FGFR2: variants seen among roughly 807,000 people sequenced by gnomAD.
FGFR2 encodes fibroblast growth factor receptor 2, also known as BEK fibroblast growth factor receptor.
FGFR2 carries 19 observed loss-of-function variants against 95.9 expected under a neutral mutation model. The observed-to-expected ratio is 0.20, with a 90% CI of 0.14 to 0.29. The LOEUF (loss-of-function observed/expected upper bound fraction) is 0.29, where lower values mean the gene tolerates loss of function less well. Ranked by LOEUF, FGFR2 falls within the 10% of genes least tolerant of loss-of-function variation. The pLI is 1.00. For synonymous variants in FGFR2, 392 were observed against 393.3 expected, an observed-to-expected ratio of 1.00 and a Z score of 0.04; for missense variants, 707 against 1,056.9, an observed-to-expected ratio of 0.67 and a Z score of 4.59.
chr10:121,482,374 C>G (rs1022819143), intron 17 of FGFR2, among the ~76,000 whole-genome samples: 4 of 152,200 alleles, frequency 2.6e-5, no homozygotes, highest in African/African-American at 9.6e-5. Context: ...AGGCCACAGT[C>G]AGACGCATAA....
chr10:121,524,146 A>ACACACACACCCCCC (rs142755962), intron 6 of FGFR2, among the ~76,000 whole-genome samples: 142 of 136,870 alleles, frequency 1.0e-3, no homozygotes, highest in Non-Finnish European at 1.7e-3. Flanking sequence ...ACACACACAC[A>ACACACACACCCCCC]CCCCAAGTTT....
At position 121,564,557 on chromosome 10, in the gene FGFR2, A is replaced by C. The variant is rs373155033; in HGVS notation, c.399T>G (p.Asp133Glu). ...CTTCCGCACCATCGGTGTCATCCTC[A>C]TCATCTCCGGATGAGATGGCATCTG... ...NVTDAISSGD[D>E]EDDTDGAEDF... The change falls in exon 4 of 18, where the codon GAT becomes GAG. Residue 133 changes from aspartate to glutamate, a missense_variant. Asp to Glu is a conservative substitution (Grantham distance 45). Around this residue, in one of 7 missense-constraint regions of FGFR2, gnomAD observed 178 missense variants for 194.1 expected, o/e 0.92. Coordinates refer to ENST00000358487, the MANE Select transcript of FGFR2 (RefSeq NM_000141.5). 3 of 1,613,962 alleles carry C rather than the reference A, an allele frequency of 1.9e-6. No individual in the cohort carries two copies. Among genetic ancestry groups the C allele is most frequent in the Non-Finnish European group, 2.5e-6 (3 of 1,179,938 alleles).
chr10:121,492,131 A>G, intron 13 of FGFR2, among the ~76,000 whole-genome samples: 1 of 152,032 alleles, frequency 6.6e-6, no homozygotes, highest in Non-Finnish European at 1.5e-5. Flanking sequence ...AGCCAAGATC[A>G]CGCCACTGCA....
chr10:121,483,773 T>G lies in FGFR2; in HGVS notation c.2226A>C (p.Ala742=). Residue 742 remains alanine, a synonymous_variant, in exon 17 of 18, where the codon GCA becomes GCC. Coordinates refer to ENST00000358487, the MANE Select transcript of FGFR2 (RefSeq NM_000141.5). ...LYMMMRDCWH[A]VPSQRPTFKQ... ...TGAACGTTGGTCTCTGGGAGGGCAC[T>G]GCATGCCAACAGTCCCTCATCATCA... is the stretch of plus-strand genomic sequence containing the variant. The G allele has an allele frequency of 6.2e-7, 1 of 1,613,926 alleles. No homozygotes were observed. Among genetic ancestry groups the G allele is most frequent in the Non-Finnish European group, 8.5e-7 (1 of 1,179,892 alleles).
chr10:121,483,123 C>T (rs1240414329), intron 17 of FGFR2, among the ~76,000 whole-genome samples: 1 of 152,088 alleles, frequency 6.6e-6, no homozygotes, highest in African/African-American at 2.4e-5. Flanking sequence ...ACAAAAGGTA[C>T]ATGTTTTTAT....
Position 121,588,380 on chromosome 10 carries a change from TACCCCCAA to T in FGFR2, c.109+5321_109+5328del, listed in dbSNP as rs551311304. Among the ~76,000 whole-genome samples the T allele has an allele frequency of 7.3e-3, 1,049 of 143,346 alleles. 8 individuals carry two copies. Among genetic ancestry groups the T allele is most frequent in the African/African-American group, 0.022 (859 of 38,244 alleles). The allele number at this position is 143,346 out of a possible 152,430, so 94.0% of individuals were successfully genotyped here. A position where few individuals can be genotyped will look rare whatever the true frequency, so the allele number is the denominator to read the frequency against. On this transcript the variant is annotated intron_variant, in intron 2 of 17. Transcript: ENST00000358487. The stretch of plus-strand genomic sequence containing the variant: ...TACCTACATAACAAACCTTCACATG[TACCCCCAA>T]ACCTAAAATAAAAGCTAAATTTAAA...
At position 121,503,697 on chromosome 10, in the gene FGFR2, T is replaced by C. The variant is rs1847897401; in HGVS notation, c.1439+93A>G. The C allele has an allele frequency of 1.1e-5, 16 of 1,416,024 alleles. No individual in the cohort carries two copies. In the South Asian group the frequency reaches 1.3e-4, roughly 11 times the overall value. The allele number at this position is 1,416,024 out of a possible 1,614,324, so 87.7% of individuals were successfully genotyped here. A position where few individuals can be genotyped will look rare whatever the true frequency, so the allele number is the denominator to read the frequency against. On this transcript the variant is annotated intron_variant, in intron 10 of 17. Transcript: ENST00000358487. Reference sequence around the variant, plus strand: ...GCTGACATCATCACACCAAGACCTTTGTGGCTAAGGGTCATAAAAAGAAAA... The same window carrying C: ...GCTGACATCATCACACCAAGACCTTCGTGGCTAAGGGTCATAAAAAGAAAA...
Position 121,480,762 on chromosome 10 carries a change from G to C in FGFR2, c.2302-741C>G, listed in dbSNP as rs182641528. Among the ~76,000 whole-genome samples the C allele has an allele frequency of 2.6e-5, 4 of 152,206 alleles. No individual in the cohort carries two copies. The East Asian group carries it at 7.7e-4, about 29-fold the overall frequency. ...CAAAGTTTTGAAGGTTCGAGATTCAGAAAGTGTCCTTTGCTCCCCAAGGCA... is the reference window on the plus strand; with the variant it reads ...CAAAGTTTTGAAGGTTCGAGATTCACAAAGTGTCCTTTGCTCCCCAAGGCA... On this transcript the variant is annotated intron_variant, in intron 17 of 17. Transcript: ENST00000358487.
chr10:121,548,447 A>G (rs1854896199), intron 5 of FGFR2, among the ~76,000 whole-genome samples: 1 of 151,694 alleles, frequency 6.6e-6, no homozygotes, highest in African/African-American at 2.4e-5. Context: ...CTTTTAGAAC[A>G]TAGGTGCTCT....
At chr10:121,525,903 C>T (rs546512883) in intron 6 of FGFR2, among the ~76,000 whole-genome samples, 11 of 152,202 alleles carry the variant, frequency 7.2e-5, no homozygotes, top group Admixed American at 7.2e-4. Flanking sequence ...TAATCAAGCA[C>T]AGAGTGGCTG....
At chr10:121,587,466 T>C (rs756228434) in intron 2 of FGFR2, among the ~76,000 whole-genome samples, 9 of 152,060 alleles carry the variant, frequency 5.9e-5, no homozygotes, top group Admixed American at 4.6e-4. Flanking sequence ...ACAGAGTAAA[T>C]AGACAACCTA....
chr10:121,493,728 C>T (rs1336646491), intron 13 of FGFR2, among the ~76,000 whole-genome samples: 2 of 152,168 alleles, frequency 1.3e-5, no homozygotes, highest in African/African-American at 4.8e-5. Context: ...TGCCTCCCAG[C>T]TGTTAGCCCA....
At chr10:121,561,832 A>G (rs1352263839) in intron 4 of FGFR2, among the ~76,000 whole-genome samples, 1 of 152,270 alleles carries the variant, frequency 6.6e-6, no homozygotes, top group African/African-American at 2.4e-5. Context: ...AAGAACTCTT[A>G]TAACTCGACA....
intron 2 of FGFR2, among the ~76,000 whole-genome samples, chr10:121,588,806 C>T (rs976794111): frequency 6.6e-6 from 1 of 152,000 alleles, no homozygotes. Flanking sequence ...TTGGAGGACC[C>T]CTTCAGCCCA....
intron 2 of FGFR2, among the ~76,000 whole-genome samples, chr10:121,585,853 C>A (rs974858296): frequency 1.3e-5 from 2 of 152,176 alleles, no homozygotes; most frequent in African/African-American, 4.8e-5. Context: ...GGTAGAAATG[C>A]AACATGCATT....
chr10:121,508,952 T>G (rs982194416), intron 9 of FGFR2, among the ~76,000 whole-genome samples: 7 of 152,246 alleles, frequency 4.6e-5, no homozygotes, highest in Admixed American at 1.3e-4. Context: ...GTTGGGGGCT[T>G]GGCCCGGTCC....
intron 9 of FGFR2, among the ~76,000 whole-genome samples, chr10:121,505,876 A>C (rs1191726932): frequency 1.3e-5 from 2 of 152,146 alleles, no homozygotes; most frequent in Non-Finnish European, 2.9e-5. Context: ...TGCTTCCCCA[A>C]ATCTTTCTGT....
rs1473739318 is a variant in FGFR2, at chr10:121,525,437, C to G, written c.749-5268G>C. 5.3e-5 allele frequency among the ~76,000 whole-genome samples: 8 copies of G among 152,158 alleles called. No individual in the cohort carries two copies. In the East Asian group the frequency reaches 1.5e-3, roughly 29 times the overall value. On this transcript the variant is annotated intron_variant, in intron 6 of 17. Transcript: ENST00000358487. Reference sequence around the variant, plus strand: ...TACATTCTCTCCCAGCGTTCTCTCTCTCTCACTCTCGGTCTCGCCCCCTTT... The same window carrying G: ...TACATTCTCTCCCAGCGTTCTCTCTGTCTCACTCTCGGTCTCGCCCCCTTT...
intron 13 of FGFR2, among the ~76,000 whole-genome samples, chr10:121,489,456 T>C (rs1301754057): frequency 6.6e-6 from 1 of 152,182 alleles, no homozygotes; most frequent in East Asian, 1.9e-4. Flanking sequence ...GGCTGGCTCT[T>C]CTCTTTTTCT....
Sources: gnomAD v4.1 joint callset for allele counts (sites outside exome capture counted in the v4.1 genomes callset) on GRCh38, gnomAD v4.1.1 for gene constraint, gnomAD v4.1.1 regional missense constraint, MANE v1.5 for transcripts, NCBI Gene and HGNC (gene_info 2026-07-23, HGNC 2026-07-21) for gene names.